The following MRPL35 variants were observed in gnomAD, a reference collection of about 807,000 sequenced individuals.
MRPL35 encodes large ribosomal subunit protein bL35m.
A neutral mutation model predicts 21.6 loss-of-function variants in MRPL35; 18 were observed. The ratio of observed to expected loss-of-function variants is 0.83; its 90% CI spans 0.58 to 1.24. The LOEUF is 1.24. MRPL35 is among the 50% of genes most tolerant of loss of function. MRPL35 has a pLI of 0.00. For missense variants in MRPL35, 223 were observed against 223.2 expected (o/e 1.00, Z 0.01); for synonymous variants, 87 against 86.9 (o/e 1.00, Z -0.01).
At position 86,213,449 on chromosome 2, in the gene MRPL35, A is replaced by G; in HGVS notation, c.*2781A>G. On this transcript the variant is annotated 3_prime_UTR_variant, in exon 4 of 4. Transcript: ENST00000337109. The stretch of plus-strand genomic sequence containing the variant: ...TTACAGTGATTTTGTCAAACATAGA[A>G]TACAGGACTAAAAATGCAAAGAAAT... 1 of 1,327,588 alleles carries G rather than the reference A, an allele frequency of 7.5e-7. No individual in the cohort carries two copies. The highest frequency in any genetic ancestry group is 9.7e-7 in the Non-Finnish European group (1 of 1,034,720). 82.2% of individuals were successfully genotyped at this position (1,327,588 alleles called of 1,614,324 possible).
chr2:86,203,246 AT>A (rs949846327), intron 1 of MRPL35, among the ~76,000 whole-genome samples: 1 of 149,768 alleles, frequency 6.7e-6, no homozygotes. Context: ...TGCCCAGCTA[AT>A]TTTTTTTTGT....
At position 86,210,051 on chromosome 2, in the gene MRPL35, T is replaced by C. The variant is rs75614603; in HGVS notation, c.379-429T>C. Among the ~76,000 whole-genome samples, 274 of 152,294 alleles carry C rather than the reference T, an allele frequency of 1.8e-3. 4 individuals carry two copies. Among genetic ancestry groups the C allele is most frequent in the East Asian group, 0.01 (52 of 5,190 alleles). ...ACTCTTATTAGCCCTCAGACCTCTG[T>C]CTGCTACTTCTCTAATCAATGGTTT... is the stretch of plus-strand genomic sequence containing the variant. On this transcript the variant is annotated intron_variant, in intron 3 of 3. Transcript: ENST00000337109.
chr2:86,212,251 T>TTTA lies in MRPL35; in HGVS notation c.*1587_*1589dup. ...GGAGATTCCTCGAAACTAGTGTGTGTTTATTAAAAGGAGAAAGGATAACAA... is the reference window on the plus strand; with the variant it reads ...GGAGATTCCTCGAAACTAGTGTGTGTTTATTATTAAAAGGAGAAAGGATAACAA... On this transcript the variant is annotated 3_prime_UTR_variant, in exon 4 of 4. Transcript: ENST00000337109. 1 of 1,387,098 alleles carries TTTA rather than the reference T, an allele frequency of 7.2e-7. No homozygotes were observed. Among genetic ancestry groups the TTTA allele is most frequent in the Non-Finnish European group, 9.4e-7 (1 of 1,066,838 alleles). The allele number at this position is 1,387,098 out of a possible 1,614,324, so 85.9% of individuals were successfully genotyped here.
intron 1 of MRPL35, among the ~76,000 whole-genome samples, chr2:86,202,623 A>G (rs888383646): frequency 6.0e-5 from 9 of 151,066 alleles, no homozygotes; most frequent in African/African-American, 2.2e-4. Flanking sequence ...TTGATTTCCA[A>G]GGCCCTATGT....
Position 86,212,809 on chromosome 2 carries a change from GAC to G in MRPL35, c.*2143_*2144del, listed in dbSNP as rs1211287260. The G allele has an allele frequency of 9.7e-7, 1 of 1,029,518 alleles. No individual in the cohort carries two copies. The highest frequency in any genetic ancestry group is 1.7e-5 in the African/African-American group (1 of 59,032). The allele number at this position is 1,029,518 out of a possible 1,614,324, so 63.8% of individuals were successfully genotyped here. ...ATCATCAACACTGATTTTATAATCTGACAATAAATGTCTTTCATTAAAGAGTT... is the reference window on the plus strand; with the variant it reads ...ATCATCAACACTGATTTTATAATCTGAATAAATGTCTTTCATTAAAGAGTT... On this transcript the variant is annotated 3_prime_UTR_variant, in exon 4 of 4. Coordinates refer to ENST00000337109, the MANE Select transcript of MRPL35 (RefSeq NM_016622.4).
Position 86,211,232 on chromosome 2 carries a change from C to T in MRPL35, c.*564C>T. The T allele has an allele frequency of 2.1e-6, 2 of 942,760 alleles. No individual in the cohort carries two copies. Among genetic ancestry groups the T allele is most frequent in the Non-Finnish European group, 2.5e-6 (2 of 791,354 alleles). 58.4% of individuals were successfully genotyped at this position (942,760 alleles called of 1,614,324 possible). A position where few individuals can be genotyped will look rare whatever the true frequency, so the allele number is the denominator to read the frequency against. ...TCTCTACACAGCTTTTGCATACTTA[C>T]AGTTTCTGTTCCTTTGTAATAACTT... On this transcript the variant is annotated 3_prime_UTR_variant, in exon 4 of 4. Coordinates refer to ENST00000337109, the MANE Select transcript of MRPL35 (RefSeq NM_016622.4).
Position 86,212,145 on chromosome 2 carries a change from GTAA to G in MRPL35, c.*1484_*1486del. ...TTCAGATCCTTTAATGTGGTAGTTG[GTAA>G]TAATAAGATGAAATTCCTCTGTTGT... On this transcript the variant is annotated 3_prime_UTR_variant, in exon 4 of 4. Coordinates refer to ENST00000337109, the MANE Select transcript of MRPL35 (RefSeq NM_016622.4). 5 of 1,267,554 alleles carry G rather than the reference GTAA, an allele frequency of 3.9e-6. No individual in the cohort carries two copies. The highest frequency in any genetic ancestry group is 5.0e-6 in the Non-Finnish European group (5 of 1,004,428). 78.5% of individuals were successfully genotyped at this position (1,267,554 alleles called of 1,614,324 possible).
rs761414859 is a variant in MRPL35 at position 86,199,503 on chromosome 2, G to C, written c.13G>C (p.Ala5Pro). MAAS[A>P]FAGAVRAASG... ...GGCGAAGGTGAAGATGGCTGCCTCT[G>C]CCTTTGCTGGTGCAGTGAGAGCAGC... The change falls in exon 1 of 4, where the codon GCC becomes CCC. Residue 5 changes from alanine to proline, a missense_variant. Ala to Pro is a conservative substitution (Grantham distance 27). Transcript: ENST00000337109. 6.2e-7 allele frequency: 1 copy of C among 1,614,194 alleles called. No homozygotes were observed. Among genetic ancestry groups the C allele is most frequent in the Non-Finnish European group, 8.5e-7 (1 of 1,180,042 alleles).
intron 1 of MRPL35, among the ~76,000 whole-genome samples, chr2:86,204,663 G>A (rs775120396): frequency 3.3e-5 from 5 of 152,008 alleles, no homozygotes; most frequent in Non-Finnish European, 7.4e-5. Flanking sequence ...ACACATCTAG[G>A]CTCTCTGAAA....
chr2:86,200,700 C>T (rs1156689613), intron 1 of MRPL35, among the ~76,000 whole-genome samples: 2 of 148,064 alleles, frequency 1.4e-5, no homozygotes, highest in Non-Finnish European at 3.0e-5. Flanking sequence ...TTTTTTGAGA[C>T]GGAGTTTCTC....
chr2:86,200,274 A>G (rs1448809644), intron 1 of MRPL35, among the ~76,000 whole-genome samples: 3 of 152,254 alleles, frequency 2.0e-5, no homozygotes, highest in Admixed American at 6.5e-5. Flanking sequence ...GTTAGAGAAA[A>G]GCTTTTTTTA....
Position 86,206,114 on chromosome 2 carries a change from C to G in MRPL35, c.52C>G (p.Arg18Gly). Residue 18 changes from arginine to glycine, a missense_variant, in exon 2 of 4, where the codon CGG becomes GGG. Arg to Gly is a moderately radical substitution (Grantham distance 125, BLOSUM62 -2). Coordinates refer to ENST00000337109, the MANE Select transcript of MRPL35 (RefSeq NM_016622.4). ...GAVRAASGIL[R>G]PLNILASSTY... is the part of the protein sequence containing the mutation. ...TGCTCCTATCTTTACAGGAATCCTA[C>G]GGCCCCTGAATATTTTGGCATCTTC... is the stretch of plus-strand genomic sequence containing the variant. The G allele has an allele frequency of 6.2e-7, 1 of 1,608,084 alleles. No homozygotes were observed. The highest frequency in any genetic ancestry group is 8.5e-7 in the Non-Finnish European group (1 of 1,174,966).
Position 86,199,495 on chromosome 2 carries a change from C to G in MRPL35, c.5C>G (p.Ala2Gly), listed in dbSNP as rs758241315. 2 of 1,614,168 alleles carry G rather than the reference C, an allele frequency of 1.2e-6. No individual in the cohort carries two copies. The highest frequency in any genetic ancestry group is 2.2e-5 in the East Asian group (1 of 44,882). M[A>G]ASAFAGAVRA... ...CCGCCGTAGGCGAAGGTGAAGATGG[C>G]TGCCTCTGCCTTTGCTGGTGCAGTG... Residue 2 changes from alanine (A) to glycine (G), a missense_variant, in exon 1 of 4, where the codon GCT (alanine) becomes GGT (glycine). Transcript: ENST00000337109.
chr2:86,199,545 G>C lies in MRPL35; in HGVS notation c.43+12G>C, dbSNP rs371474147. ...GAGAGCAGCTTCAGGTCAGTGGAGA[G>C]CGACATACTCCATGCATGCCTTCAC... On this transcript the variant is annotated intron_variant, in intron 1 of 3. Transcript: ENST00000337109. 6.2e-7 allele frequency: 1 copy of C among 1,614,100 alleles called. No homozygotes were observed. Among genetic ancestry groups the C allele is most frequent in the Non-Finnish European group, 8.5e-7 (1 of 1,180,018 alleles).
In MRPL35 at chr2:86,212,474, T is replaced by A; in HGVS notation, c.*1806T>A. The stretch of plus-strand genomic sequence containing the variant: ...GCCTTCCACATCTTTGTCACCTGCC[T>A]GGCTCCTGCTCTCTGATGTACCTCT... On this transcript the variant is annotated 3_prime_UTR_variant, in exon 4 of 4. Transcript: ENST00000337109. 4 of 1,613,574 alleles carry A rather than the reference T, an allele frequency of 2.5e-6. No homozygotes were observed. The highest frequency in any genetic ancestry group is 3.4e-6 in the Non-Finnish European group (4 of 1,179,758).
rs903078828 is a variant in MRPL35, at chr2:86,210,762, G to T, written c.*94G>T. 4 of 1,457,556 alleles carry T rather than the reference G, an allele frequency of 2.7e-6. No individual in the cohort carries two copies. Among genetic ancestry groups the T allele is most frequent in the Non-Finnish European group, 3.6e-6 (4 of 1,100,300 alleles). 90.3% of individuals were successfully genotyped at this position (1,457,556 alleles called of 1,614,324 possible). ...ATAAGTACAAAACTTGATGTAAATT[G>T]TACCAATGAATACGTAAACATACAG... On this transcript the variant is annotated 3_prime_UTR_variant, in exon 4 of 4. Transcript: ENST00000337109.
intron 1 of MRPL35, among the ~76,000 whole-genome samples, chr2:86,200,721 C>T (rs1673668671): frequency 6.6e-6 from 1 of 151,810 alleles, no homozygotes; most frequent in Non-Finnish European, 1.5e-5. Context: ...TCTTGTTGCC[C>T]AGGCTGGAGT....
Position 86,211,945 on chromosome 2 carries a change from T to A in MRPL35, c.*1277T>A. On this transcript the variant is annotated 3_prime_UTR_variant, in exon 4 of 4. Coordinates refer to ENST00000337109, the MANE Select transcript of MRPL35 (RefSeq NM_016622.4). Reference sequence around the variant, plus strand: ...TCAGTTGTTTTAGAAACGAAAAAGTTAAGCATTGTTTACTTGAAGTGGGCA... The same window carrying A: ...TCAGTTGTTTTAGAAACGAAAAAGTAAAGCATTGTTTACTTGAAGTGGGCA... 1.0e-6 allele frequency: 1 copy of A among 986,094 alleles called. No individual in the cohort carries two copies. Among genetic ancestry groups the A allele is most frequent in the South Asian group, 4.7e-5 (1 of 21,300 alleles). The allele number at this position is 986,094 out of a possible 1,614,324, so 61.1% of individuals were successfully genotyped here.
At chr2:86,199,447 T>C, upstream of MRPL35, 3 of 1,613,114 alleles carry the variant, frequency 1.9e-6, no homozygotes, top group African/African-American at 4.0e-5. Flanking sequence ...TCTTTTGCTC[T>C]TGTGCTTTTA....
Sources: allele counts gnomAD v4.1 joint callset (sites outside exome capture counted in the v4.1 genomes callset), GRCh38; gene constraint gnomAD v4.1.1; transcripts MANE v1.5; gene names NCBI Gene and HGNC (gene_info 2026-07-23, HGNC 2026-07-21).